Variants in ANKRD44 observed in about 807,000 individuals in gnomAD.
ANKRD44 encodes serine/threonine-protein phosphatase 6 regulatory ankyrin repeat subunit B.
In ANKRD44, 35 loss-of-function variants were observed where a neutral mutation model predicts 116.0. That is an observed-to-expected ratio of 0.30 (90% CI 0.23 to 0.40). ANKRD44 has a LOEUF of 0.40. Ranked by LOEUF, ANKRD44 falls within the 10% of genes least tolerant of loss-of-function variation. The pLI, the probability that ANKRD44 is intolerant of heterozygous loss-of-function variation, is 1.00. For synonymous variants in ANKRD44, 435 were observed against 461.8 expected (o/e 0.94, Z 0.74); for missense variants, 1,014 against 1,242.6 (o/e 0.82, Z 2.77).
At chr2:197,011,435 G>C (rs1280470660) in intron 18 of ANKRD44, among the ~76,000 whole-genome samples, 5 of 151,212 alleles carry the variant, frequency 3.3e-5, no homozygotes, top group Non-Finnish European at 7.4e-5. Flanking sequence ...TTTGTTTTTT[G>C]GTACAGTAGC....
intron 12 of ANKRD44, 149 bp downstream of exon 12, chr2:197,088,562 G>A (rs1170427260): frequency 2.0e-6 from 1 of 495,922 alleles, no homozygotes; most frequent in Non-Finnish European, 3.5e-6. Flanking sequence ...TGCTTGTGAT[G>A]TGGAAATATA....
Position 197,310,729 on chromosome 2 carries a change from CT to C in ANKRD44, c.-126del. On this transcript the variant is annotated 5_prime_UTR_variant, in exon 1 of 28. Transcript: ENST00000282272. ...AATCTGGCTCCCGAATTTGACAGCCCTCCCCCTGCTCCTCCTCCGCCGCCGC... is the reference window on the plus strand; with the variant it reads ...AATCTGGCTCCCGAATTTGACAGCCCCCCCCTGCTCCTCCTCCGCCGCCGC... 2 of 979,696 alleles carry C rather than the reference CT, an allele frequency of 2.0e-6. No homozygotes were observed. The highest frequency in any genetic ancestry group is 2.6e-6 in the Non-Finnish European group (2 of 757,536). 60.7% of individuals were successfully genotyped at this position (979,696 alleles called of 1,614,324 possible).
chr2:197,014,616 C>T lies in ANKRD44; in HGVS notation c.1723-904G>A, dbSNP rs1318416085. 4.6e-5 allele frequency among the ~76,000 whole-genome samples: 7 copies of T among 151,850 alleles called. No homozygotes were observed. The South Asian group carries it at 1.5e-3, about 32-fold the overall frequency. On this transcript the variant is annotated intron_variant, in intron 17 of 27. Transcript: ENST00000282272. ...CAGTCTGGCCAAAATAGTGAAACCT[C>T]GTCCCTACTAAAAATACAAAAATTA...
intron 2 of ANKRD44, among the ~76,000 whole-genome samples, chr2:197,162,010 T>C: frequency 6.6e-6 from 1 of 152,190 alleles, no homozygotes; most frequent in East Asian, 1.9e-4. Flanking sequence ...GGTCTGCTCC[T>C]CTATCACCTA....
rs572815044 is a variant in ANKRD44 at position 197,110,818 on chromosome 2, G to A, written c.933C>T (p.His311=). 1 of 1,614,012 alleles carries A rather than the reference G, an allele frequency of 6.2e-7. No individual in the cohort carries two copies. Among genetic ancestry groups the A allele is most frequent in the African/African-American group, 1.3e-5 (1 of 75,032 alleles). ...TGAACCTTCCATGGACAGCTGTCAT[G>A]TGCAGTGGACTTTTGCCATCTTTAC... ...IQSKDGKSPL[H]MTAVHGRFTR... The change falls in exon 9 of 28, where the codon CAC becomes CAT. Residue 311 remains histidine, a synonymous_variant. Transcript: ENST00000282272.
chr2:196,999,815 T>C (rs1190917691), intron 23 of ANKRD44, among the ~76,000 whole-genome samples: 3 of 152,008 alleles, frequency 2.0e-5, no homozygotes, highest in Non-Finnish European at 4.4e-5. Flanking sequence ...GGACGGTCTC[T>C]ATCTCCTGGC....
At chr2:197,155,105 T>G (rs2079775563) in intron 2 of ANKRD44, among the ~76,000 whole-genome samples, 1 of 152,214 alleles carries the variant, frequency 6.6e-6, no homozygotes, top group South Asian at 2.1e-4. Flanking sequence ...AACTAGACAC[T>G]GGATATTTTA....
intron 17 of ANKRD44, among the ~76,000 whole-genome samples, chr2:197,021,578 AT>A (rs1194082742): frequency 6.6e-6 from 1 of 152,186 alleles, no homozygotes; most frequent in East Asian, 1.9e-4. Flanking sequence ...TCATGTGTCT[AT>A]TGGGTACATA....
In ANKRD44 at chr2:196,971,059, G is replaced by A. The variant is rs2075711985; in HGVS notation, c.2369-3613C>T. ...GCCCTTGTCCATAGGCATATTCAAT[G>A]TTTGCATATTTTTTTTGCATATAAA... On this transcript the variant is annotated intron_variant, in intron 21 of 21. Coordinates refer to the ANKRD44 transcript ENST00000424317. Among the ~76,000 whole-genome samples the A allele has an allele frequency of 2.0e-5, 3 of 150,274 alleles. No individual in the cohort carries two copies. In the Admixed American group the frequency reaches 2.0e-4, roughly 10 times the overall value.
chr2:197,222,047 ACT>A (rs917636187), intron 1 of ANKRD44, among the ~76,000 whole-genome samples: 9 of 152,052 alleles, frequency 5.9e-5, no homozygotes, highest in African/African-American at 2.2e-4. Context: ...TGACTCAAAT[ACT>A]CTCTTCTGTG....
chr2:196,989,549 C>A lies in ANKRD44; in HGVS notation c.*42G>T. On this transcript the variant is annotated 3_prime_UTR_variant, in exon 28 of 28. Coordinates refer to ENST00000282272, the MANE Select transcript of ANKRD44 (RefSeq NM_001195144.2). ...ATATATATATATATACACACGCACA[C>A]ATATATGTGTGCATGTGTATGTGCA... 6.5e-7 allele frequency: 1 copy of A among 1,546,788 alleles called. No homozygotes were observed.
At chr2:197,195,624 T>C (rs912039571) in intron 1 of ANKRD44, among the ~76,000 whole-genome samples, 2 of 152,222 alleles carry the variant, frequency 1.3e-5, no homozygotes, top group Admixed American at 1.3e-4. Context: ...CCCAAATCCC[T>C]TGCCTCCGAA....
At chr2:197,010,463 G>A (rs73049616) in intron 18 of ANKRD44, among the ~76,000 whole-genome samples, 6,224 of 152,238 alleles carry the variant, frequency 0.041, 409 homozygotes, top group African/African-American at 0.14. Context: ...GGCAGGAAAT[G>A]CGGCCCCCAT....
rs148210923 is a variant in ANKRD44, at chr2:197,148,764, G to A, written c.112-1659C>T. On this transcript the variant is annotated intron_variant, in intron 2 of 27. Coordinates refer to ENST00000282272, the MANE Select transcript of ANKRD44 (RefSeq NM_001195144.2). ...CATTAAGTAGACAAAAAGGAGTTTG[G>A]ATTCACTGGAAACTCATGTTGTCTA... Among the ~76,000 whole-genome samples the A allele has an allele frequency of 2.2e-3, 331 of 152,250 alleles. 3 individuals carry two copies. Among genetic ancestry groups the A allele is most frequent in the African/African-American group, 7.4e-3 (307 of 41,542 alleles).
intron 6 of ANKRD44, among the ~76,000 whole-genome samples, chr2:197,123,437 C>A (rs753427382): frequency 6.6e-6 from 1 of 152,116 alleles, no homozygotes; most frequent in Non-Finnish European, 1.5e-5. Flanking sequence ...ATAGAATAAG[C>A]CTGTACAACA....
rs1390218213 is a variant in ANKRD44, at chr2:197,009,119, G to A, written c.1925-88C>T. The A allele has an allele frequency of 2.4e-5, 26 of 1,069,846 alleles. No individual in the cohort carries two copies. The Admixed American group carries it at 4.5e-4, about 19-fold the overall frequency. 66.3% of individuals were successfully genotyped at this position (1,069,846 alleles called of 1,614,324 possible). On this transcript the variant is annotated intron_variant, in intron 18 of 27. Coordinates refer to ENST00000282272, the MANE Select transcript of ANKRD44 (RefSeq NM_001195144.2). ...GACTTTTTCTTTTTTTTGAGATGGA[G>A]TCTTGCTCTGTCGCCAGGCTGGAGT...
intron 2 of ANKRD44, among the ~76,000 whole-genome samples, chr2:197,184,262 G>A (rs1014820513): frequency 9.9e-5 from 15 of 152,250 alleles, no homozygotes; most frequent in Admixed American, 6.5e-4. Context: ...ACTCTCCCTC[G>A]TAGCTAGGTA....
chr2:197,156,087 C>T (rs1347302704), intron 2 of ANKRD44, among the ~76,000 whole-genome samples: 1 of 152,190 alleles, frequency 6.6e-6, no homozygotes, highest in Non-Finnish European at 1.5e-5. Context: ...TGGCTCACAC[C>T]TGTAATCCCA....
intron 21 of ANKRD44, among the ~76,000 whole-genome samples, chr2:196,980,885 C>T (rs564123941): frequency 1.3e-5 from 2 of 152,280 alleles, no homozygotes; most frequent in African/African-American, 4.8e-5. Context: ...AAGTAAAATA[C>T]CTGAATAATA....
Sources: gnomAD v4.1 joint callset for allele counts (sites outside exome capture counted in the v4.1 genomes callset) on GRCh38, gnomAD v4.1.1 for gene constraint, MANE v1.5 for transcripts, NCBI Gene and HGNC (gene_info 2026-07-23, HGNC 2026-07-21) for gene names.